Variants in PACSIN1 observed in about 807,000 individuals in gnomAD.
The protein encoded by PACSIN1 is protein kinase C and casein kinase substrate in neurons 1.
Under a neutral mutation model 59.5 loss-of-function variants are expected in PACSIN1, and 15 were observed. The observed-to-expected ratio is 0.25, with a 90% CI of 0.17 to 0.39. The LOEUF is 0.39. Ranked by LOEUF, PACSIN1 falls within the 10% of genes least tolerant of loss-of-function variation. PACSIN1 has a pLI of 1.00. For missense variants in PACSIN1, 420 were observed against 580.2 expected, an observed-to-expected ratio of 0.72 and a Z score of 2.84; for synonymous variants, 210 against 220.6, an observed-to-expected ratio of 0.95 and a Z score of 0.42.
chr6:34,479,207 T>C (rs1766681800), intron 1 of PACSIN1, among the ~76,000 whole-genome samples: 4 of 151,978 alleles, frequency 2.6e-5, no homozygotes, highest in Non-Finnish European at 4.4e-5. Context: ...ATAGCAACAT[T>C]TTAACAAATT....
intron 1 of PACSIN1, among the ~76,000 whole-genome samples, chr6:34,524,435 C>A (rs1767449675): frequency 1.3e-5 from 2 of 152,208 alleles, no homozygotes; most frequent in South Asian, 4.1e-4. Context: ...CCCCTGGCCA[C>A]CCCATTCCCC....
At chr6:34,474,237 C>T (rs181751059) in intron 1 of PACSIN1, among the ~76,000 whole-genome samples, 9 of 152,182 alleles carry the variant, frequency 5.9e-5, no homozygotes, top group Non-Finnish European at 1.0e-4. Context: ...CTGTCCCTGA[C>T]ACCTCATTTA....
intron 1 of PACSIN1, among the ~76,000 whole-genome samples, chr6:34,469,204 G>A (rs529691890): frequency 1.7e-4 from 26 of 152,140 alleles, no homozygotes; most frequent in African/African-American, 5.8e-4. Flanking sequence ...GATGCTGCTT[G>A]GTTTGGTTTT....
rs543969545 is a variant in PACSIN1, at chr6:34,474,451, C to T, written c.-64+8181C>T. The stretch of plus-strand genomic sequence containing the variant: ...TAAATCAGATCACATCCTTCCTCTG[C>T]TAAAGCTCTTCAATGACTCCCCTCC... On this transcript the variant is annotated intron_variant, in intron 1 of 9. Transcript: ENST00000244458. Among the ~76,000 whole-genome samples the T allele has an allele frequency of 1.2e-3, 187 of 152,212 alleles. 1 individual carries two copies. The highest frequency in any genetic ancestry group is 4.2e-3 in the African/African-American group (176 of 41,520).
At chr6:34,467,621 C>T (rs1420264515) in intron 1 of PACSIN1, among the ~76,000 whole-genome samples, 3 of 145,630 alleles carry the variant, frequency 2.1e-5, no homozygotes, top group Non-Finnish European at 4.5e-5. Context: ...TGCAATGGCA[C>T]GATCTCAGCT....
At chr6:34,489,678 C>A (rs1221926699) in intron 1 of PACSIN1, among the ~76,000 whole-genome samples, 1 of 152,194 alleles carries the variant, frequency 6.6e-6, no homozygotes, top group African/African-American at 2.4e-5. Flanking sequence ...CACTGGACTC[C>A]CTGTGAGCCG....
chr6:34,529,261 G>A lies in PACSIN1; in HGVS notation c.457-136G>A. ...GCTGCTCCCGAACACCTGGAGCCAG[G>A]GCCTGCATCCCTTCTGGCTCTTAAG... On this transcript the variant is annotated intron_variant, in intron 4 of 9. Transcript: ENST00000244458. This position sits in a 1 kb window ranked among gnomAD's most constrained non-coding sequence, Gnocchi z 6.3. 1 of 899,088 alleles carries A rather than the reference G, an allele frequency of 1.1e-6. No homozygotes were observed. 55.7% of individuals were successfully genotyped at this position (899,088 alleles called of 1,614,324 possible).
At position 34,532,670 on chromosome 6, in the gene PACSIN1, A is replaced by G. The variant is rs1767623301; in HGVS notation, c.*140A>G. 1.6e-6 allele frequency: 1 copy of G among 627,102 alleles called. No individual in the cohort carries two copies. The highest frequency in any genetic ancestry group is 2.0e-5 in the South Asian group (1 of 50,444). 38.8% of individuals were successfully genotyped at this position (627,102 alleles called of 1,614,324 possible). On this transcript the variant is annotated 3_prime_UTR_variant, in exon 10 of 10. Coordinates refer to ENST00000244458, the MANE Select transcript of PACSIN1 (RefSeq NM_020804.5). This position sits in a 1 kb window ranked among gnomAD's most constrained non-coding sequence, Gnocchi z 5.2. ...ATTTTTTTAAAAGTCAAAACAGAACAAAACAAAGTATGCAGAGACAGAGCA... is the reference window on the plus strand; with the variant it reads ...ATTTTTTTAAAAGTCAAAACAGAACGAAACAAAGTATGCAGAGACAGAGCA...
At position 34,491,587 on chromosome 6, in the gene PACSIN1, A is replaced by G. The variant is rs114640586; in HGVS notation, c.-64+25317A>G. Among the ~76,000 whole-genome samples the G allele has an allele frequency of 5.0e-3, 755 of 150,704 alleles. 4 individuals are homozygous for G. The highest frequency in any genetic ancestry group is 0.017 in the African/African-American group (685 of 41,090). ...ATAAGAGGAGAGGGCTGTGTGCTCC[A>G]TGGTGTAAATGCACCACATTTTCTT... On this transcript the variant is annotated intron_variant, in intron 1 of 9. Transcript: ENST00000244458.
chr6:34,495,009 C>T (rs890452031), intron 1 of PACSIN1, among the ~76,000 whole-genome samples: 18 of 152,120 alleles, frequency 1.2e-4, no homozygotes, highest in Admixed American at 7.2e-4. Flanking sequence ...CAGTTCAAGG[C>T]GCCTCACTCT....
intron 1 of PACSIN1, among the ~76,000 whole-genome samples, chr6:34,504,292 T>A (rs55850766): frequency 1.3e-3 from 77 of 57,890 alleles, no homozygotes; most frequent in East Asian, 3.8e-3. Flanking sequence ...ATATATATAT[T>A]TTTTTTTTTT....
rs35588714 is a variant in PACSIN1, at chr6:34,505,631, C to CTTT, written c.-63-20597_-63-20595dup. ...CTTTTTTTTATCTCTTACCTCCATA[C>CTTT]TTTTTTTTTTTTTTTTTGAGATGGA... On this transcript the variant is annotated intron_variant, in intron 1 of 9. Transcript: ENST00000244458. 5.0e-3 allele frequency among the ~76,000 whole-genome samples: 532 copies of CTTT among 106,398 alleles called. 46 individuals are homozygous for CTTT. Among genetic ancestry groups the CTTT allele is most frequent in the African/African-American group, 0.019 (497 of 26,028 alleles). The allele number at this position is 106,398 out of a possible 152,430, so 69.8% of individuals were successfully genotyped here. A position where few individuals can be genotyped will look rare whatever the true frequency, so the allele number is the denominator to read the frequency against.
At position 34,521,599 on chromosome 6, in the gene PACSIN1, C is replaced by A. The variant is rs1385280124; in HGVS notation, c.-63-4644C>A. On this transcript the variant is annotated intron_variant, in intron 1 of 9. Coordinates refer to ENST00000244458, the MANE Select transcript of PACSIN1 (RefSeq NM_020804.5). This position sits in a 1 kb window ranked among gnomAD's most constrained non-coding sequence, Gnocchi z 4.3. The stretch of plus-strand genomic sequence containing the variant: ...AGCTGGCTCCAGAGCCCTGCACCCC[C>A]CAGTCTGCACTTCACAGGCTGCATC... Among the ~76,000 whole-genome samples, 1 of 152,150 alleles carries A rather than the reference C, an allele frequency of 6.6e-6. No individual in the cohort carries two copies. The highest frequency in any genetic ancestry group is 1.5e-5 in the Non-Finnish European group (1 of 68,028).
Position 34,530,677 on chromosome 6 carries a change from AG to A in PACSIN1, c.1037+91del. 7.7e-7 allele frequency: 1 copy of A among 1,299,026 alleles called. No individual in the cohort carries two copies. The highest frequency in any genetic ancestry group is 1.0e-6 in the Non-Finnish European group (1 of 980,732). The allele number at this position is 1,299,026 out of a possible 1,614,324, so 80.5% of individuals were successfully genotyped here. A position where few individuals can be genotyped will look rare whatever the true frequency, so the allele number is the denominator to read the frequency against. On this transcript the variant is annotated intron_variant, in intron 8 of 9. Transcript: ENST00000244458. The surrounding 1 kb of genome is among the most constrained non-coding windows in gnomAD (Gnocchi z 4.4). ...TGCTTCAGAAGACAAGAAATGGTCT[AG>A]ATCATAGCAACTATGTCTCCTCTCT... is the stretch of plus-strand genomic sequence containing the variant.
rs148356818 is a variant in PACSIN1, at chr6:34,487,972, T to C, written c.-64+21702T>C. ...GGGAACAGCTTCTTCAGGGTCCTGG[T>C]TGGTCTCTTTTCCTGGGGAGGCTTA... On this transcript the variant is annotated intron_variant, in intron 1 of 9. Coordinates refer to ENST00000244458, the MANE Select transcript of PACSIN1 (RefSeq NM_020804.5). Among the ~76,000 whole-genome samples, 216 of 152,272 alleles carry C rather than the reference T, an allele frequency of 1.4e-3. 1 individual carries two copies. The highest frequency in any genetic ancestry group is 5.1e-3 in the African/African-American group (210 of 41,556).
chr6:34,476,423 A>T (rs1435278908), intron 1 of PACSIN1, among the ~76,000 whole-genome samples: 1 of 116,200 alleles, frequency 8.6e-6, no homozygotes, highest in Non-Finnish European at 1.8e-5. Context: ...CCCTCCCCAC[A>T]CTCCCTCCCC....
intron 1 of PACSIN1, among the ~76,000 whole-genome samples, chr6:34,490,590 C>T (rs928322037): frequency 3.9e-5 from 6 of 152,156 alleles, no homozygotes; most frequent in African/African-American, 1.2e-4. Flanking sequence ...TCCTGTCATC[C>T]GCACTGTTGT....
In PACSIN1 at chr6:34,479,983, A is replaced by G. The variant is rs140326907; in HGVS notation, c.-64+13713A>G. Among the ~76,000 whole-genome samples the G allele has an allele frequency of 7.9e-3, 1,194 of 151,392 alleles. 19 individuals are homozygous for G. Among genetic ancestry groups the G allele is most frequent in the African/African-American group, 0.027 (1,125 of 41,230 alleles). On this transcript the variant is annotated intron_variant, in intron 1 of 9. Transcript: ENST00000244458. The stretch of plus-strand genomic sequence containing the variant: ...TGGGACCACAGGCATATGCCACCAC[A>G]CCCAGCTAATTTTTGTATTTTTAAT...
chr6:34,468,429 C>A (rs1766527325), intron 1 of PACSIN1, among the ~76,000 whole-genome samples: 1 of 152,188 alleles, frequency 6.6e-6, no homozygotes, highest in African/African-American at 2.4e-5. Context: ...GTCATTCAAT[C>A]ATTCATTCAT....
Sources: gnomAD v4.1 joint callset for allele counts (sites outside exome capture counted in the v4.1 genomes callset) on GRCh38, gnomAD v4.1.1 for gene constraint, Gnocchi (gnomAD v3.1) non-coding constraint, MANE v1.5 for transcripts, NCBI Gene and HGNC (gene_info 2026-07-23, HGNC 2026-07-21) for gene names.